Variants in CDH12 observed in about 807,000 individuals in gnomAD.
The protein encoded by CDH12 is cadherin 12, also known as cadherin-12.
Under a neutral mutation model 74.1 loss-of-function variants are expected in CDH12, and 41 were observed. That is an observed-to-expected ratio of 0.55 (90% CI 0.43 to 0.72). The LOEUF is 0.72. CDH12 is among the 30% of genes least tolerant of loss of function. The pLI is 0.00. For missense variants in CDH12, 945 were observed against 977.2 expected (o/e 0.97, Z 0.44); for synonymous variants, 399 against 355.0 (o/e 1.12, Z -1.39).
intron 1 of CDH12, among the ~76,000 whole-genome samples, chr5:22,702,064 G>T (rs1335772313): frequency 1.3e-5 from 2 of 152,092 alleles, no homozygotes; most frequent in Non-Finnish European, 2.9e-5. Flanking sequence ...GTTTTATTCA[G>T]TGTTACATCA....
intron 5 of CDH12, among the ~76,000 whole-genome samples, chr5:22,013,667 C>T (rs183468268): frequency 1.1e-4 from 16 of 152,118 alleles, no homozygotes; most frequent in East Asian, 9.7e-4. Context: ...GATTAAGTTC[C>T]CATTTCTTAG....
chr5:22,436,730 C>T (rs909585184), intron 2 of CDH12, among the ~76,000 whole-genome samples: 1 of 151,878 alleles, frequency 6.6e-6, no homozygotes, highest in African/African-American at 2.4e-5. Flanking sequence ...AAAATAAAAC[C>T]CATTTTTGTT....
intron 2 of CDH12, among the ~76,000 whole-genome samples, chr5:22,478,347 G>A (rs1194438535): frequency 6.6e-6 from 1 of 150,836 alleles, no homozygotes; most frequent in African/African-American, 2.4e-5. Context: ...GAACCTGGGA[G>A]GCGGAGCTTT....
chr5:22,821,229 G>A (rs1225769500), intron 1 of CDH12, among the ~76,000 whole-genome samples: 1 of 152,082 alleles, frequency 6.6e-6, no homozygotes, highest in African/African-American at 2.4e-5. Flanking sequence ...TTGATGGGAT[G>A]TATCTCAAAA....
chr5:22,387,113 G>A (rs1742030958), intron 3 of CDH12, among the ~76,000 whole-genome samples: 1 of 151,926 alleles, frequency 6.6e-6, no homozygotes, highest in Non-Finnish European at 1.5e-5. Flanking sequence ...ACAAACTGAT[G>A]AAGTTATCCT....
chr5:22,234,568 GT>G (rs946347034), intron 3 of CDH12, among the ~76,000 whole-genome samples: 4 of 146,496 alleles, frequency 2.7e-5, no homozygotes, highest in South Asian at 4.3e-4. Flanking sequence ...GGTATGTGGG[GT>G]TTTTTTTGTT....
chr5:22,242,298 T>C (rs1752778432), intron 3 of CDH12, among the ~76,000 whole-genome samples: 4 of 152,204 alleles, frequency 2.6e-5, no homozygotes, highest in African/African-American at 9.7e-5. Flanking sequence ...TAATTATACC[T>C]GGATTCTCAG....
chr5:22,524,962 C>T (rs1246966422), intron 1 of CDH12, among the ~76,000 whole-genome samples: 1 of 137,848 alleles, frequency 7.3e-6, no homozygotes, highest in South Asian at 2.7e-4. Context: ...CCTCCCCCCT[C>T]CCTCCACCCC....
At chr5:22,846,629 C>A (rs950018351) in intron 1 of CDH12, among the ~76,000 whole-genome samples, 47 of 152,284 alleles carry the variant, frequency 3.1e-4, no homozygotes, top group African/African-American at 1.0e-3. Flanking sequence ...TTGATGGATA[C>A]TGTCAAATTT....
At chr5:21,915,822 CTG>C (rs36126825) in intron 6 of CDH12, among the ~76,000 whole-genome samples, 8,811 of 140,002 alleles carry the variant, frequency 0.063, 269 homozygotes, top group African/African-American at 0.082. Context: ...ATCATTTGTG[CTG>C]TGTGTGTGTG....
chr5:22,260,900 A>G (rs1456813448), intron 3 of CDH12, among the ~76,000 whole-genome samples: 1 of 151,964 alleles, frequency 6.6e-6, no homozygotes, highest in Non-Finnish European at 1.5e-5. Context: ...TTAAGTAGAT[A>G]ACTGGCTTAT....
intron 1 of CDH12, among the ~76,000 whole-genome samples, chr5:22,529,936 G>A (rs982863236): frequency 3.9e-5 from 6 of 152,016 alleles, no homozygotes; most frequent in Non-Finnish European, 5.9e-5. Context: ...AAGTTCTTCT[G>A]GGCAACAGTA....
intron 1 of CDH12, among the ~76,000 whole-genome samples, chr5:22,666,430 C>G (rs1220826713): frequency 6.6e-6 from 1 of 151,246 alleles, no homozygotes; most frequent in African/African-American, 2.4e-5. Context: ...GCTGGGACTA[C>G]AGGCGCCCGC....
chr5:22,247,767 T>C (rs1219645744), intron 3 of CDH12, among the ~76,000 whole-genome samples: 1 of 152,182 alleles, frequency 6.6e-6, no homozygotes, highest in Non-Finnish European at 1.5e-5. Context: ...ATTCTATATG[T>C]CTTTTAGTGT....
intron 1 of CDH12, among the ~76,000 whole-genome samples, chr5:22,598,383 C>T (rs527236434): frequency 2.0e-5 from 3 of 152,162 alleles, no homozygotes; most frequent in Admixed American, 1.3e-4. Flanking sequence ...TAAGTGAGTT[C>T]GCATGAGATC....
At chr5:21,813,392 A>G (rs1455603578) in intron 9 of CDH12, among the ~76,000 whole-genome samples, 1 of 152,136 alleles carries the variant, frequency 6.6e-6, no homozygotes, top group Non-Finnish European at 1.5e-5. Context: ...AGGCAGGAGA[A>G]TCGCTTGAAC....
intron 4 of CDH12, among the ~76,000 whole-genome samples, chr5:22,087,826 C>T: frequency 6.6e-6 from 1 of 152,038 alleles, no homozygotes; most frequent in East Asian, 1.9e-4. Context: ...TCTGTATCAA[C>T]AAAATAATGG....
intron 2 of CDH12, among the ~76,000 whole-genome samples, chr5:22,461,843 T>C (rs1159405806): frequency 6.6e-6 from 1 of 152,016 alleles, no homozygotes; most frequent in East Asian, 1.9e-4. Flanking sequence ...ATAGAATTTA[T>C]TAAATGTTAT....
intron 3 of CDH12, among the ~76,000 whole-genome samples, chr5:22,402,783 A>T (rs1742783218): frequency 6.6e-6 from 1 of 152,168 alleles, no homozygotes; most frequent in Non-Finnish European, 1.5e-5. Context: ...TGATTCATGG[A>T]TCCAGTCAAC....
Sources: gnomAD v4.1 joint callset for allele counts (sites outside exome capture counted in the v4.1 genomes callset) on GRCh38, gnomAD v4.1.1 for gene constraint, MANE v1.5 for transcripts, NCBI Gene and HGNC (gene_info 2026-07-23, HGNC 2026-07-21) for gene names.